Variants in CBLN2 observed in about 807,000 individuals in gnomAD.
CBLN2 encodes cerebellin 2 precursor, also known as cerebellin-2.
A neutral mutation model predicts 15.0 loss-of-function variants in CBLN2; 7 were observed. The observed-to-expected ratio is 0.47, with a 90% CI of 0.27 to 0.88. The LOEUF is 0.88. Among genes scored for constraint, CBLN2 ranks in the 40% least tolerant of loss-of-function variants. CBLN2 has a pLI of 0.14. For synonymous variants in CBLN2, 149 were observed against 135.2 expected (o/e 1.10, Z -0.71); for missense variants, 242 against 304.5 (o/e 0.79, Z 1.53).
chr18:72,560,017 T>C (rs1412368031), intron 1 of CBLN2, among the ~76,000 whole-genome samples: 3 of 152,232 alleles, frequency 2.0e-5, no homozygotes, highest in Non-Finnish European at 4.4e-5. Context: ...CTCTTCTCAC[T>C]GAACCCAGGA....
intron 1 of CBLN2, among the ~76,000 whole-genome samples, chr18:72,566,873 C>T (rs1047313404): frequency 3.9e-5 from 6 of 152,024 alleles, no homozygotes; most frequent in Admixed American, 6.6e-5. Context: ...CGCTCTGTCA[C>T]CCAGGCTGGA....
At chr18:72,633,856 C>A (rs2069793966) in intron 1 of CBLN2, among the ~76,000 whole-genome samples, 1 of 152,052 alleles carries the variant, frequency 6.6e-6, no homozygotes, top group South Asian at 2.1e-4. Context: ...ATTGTAAAAG[C>A]AATCAAATCA....
intron 1 of CBLN2, among the ~76,000 whole-genome samples, chr18:72,592,617 T>A (rs1292674362): frequency 6.6e-6 from 1 of 152,164 alleles, no homozygotes; most frequent in Non-Finnish European, 1.5e-5. Flanking sequence ...AGTAGTTTCA[T>A]AGTTTGAGGT....
chr18:72,584,377 T>C (rs1461353871), intron 1 of CBLN2, among the ~76,000 whole-genome samples: 1 of 151,816 alleles, frequency 6.6e-6, no homozygotes, highest in Admixed American at 6.6e-5. Context: ...AGTGGTGCAA[T>C]CTCAGCTCAC....
chr18:72,586,421 C>T (rs1056763304), intron 1 of CBLN2, among the ~76,000 whole-genome samples: 1 of 152,034 alleles, frequency 6.6e-6, no homozygotes, highest in African/African-American at 2.4e-5. Context: ...CTGTTATGTC[C>T]AAAACTTCTT....
At chr18:72,633,902 G>A (rs912236044) in intron 1 of CBLN2, among the ~76,000 whole-genome samples, 10 of 152,028 alleles carry the variant, frequency 6.6e-5, no homozygotes, top group Non-Finnish European at 1.2e-4. Flanking sequence ...CTTGATGAGA[G>A]TAAAATAAAT....
At chr18:72,548,269 C>A (rs1266689845), upstream of CBLN2, among the ~76,000 whole-genome samples, 4 of 152,118 alleles carry the variant, frequency 2.6e-5, no homozygotes, top group Non-Finnish European at 5.9e-5. Flanking sequence ...GACTGTTAAT[C>A]CAAGTCAGAA....
At position 72,560,562 on chromosome 18, in the gene CBLN2, A is replaced by G. The variant is rs536668764; in HGVS notation, c.16-21790T>C. Among the ~76,000 whole-genome samples the G allele has an allele frequency of 2.0e-5, 3 of 152,352 alleles. No individual in the cohort carries two copies. In the East Asian group the frequency reaches 5.8e-4, roughly 29 times the overall value. On this transcript the variant is annotated intron_variant, in intron 1 of 2. Coordinates refer to the CBLN2 transcript ENST00000581073. ...CATTCGCAAATTGCTCTCTGATTTC[A>G]ATACAGCAGCAGAGTTGAGTGGCTG... is the stretch of plus-strand genomic sequence containing the variant.
chr18:72,538,762 T>G lies in CBLN2; in HGVS notation c.368A>C (p.Asn123Thr). Residue 123 changes from asparagine (N) to threonine (T), a missense_variant, in exon 4 of 5, where the codon AAT becomes ACT. Physicochemically the swap from Asn to Thr is moderately conservative, Grantham distance 65. Around this residue, in one of 4 missense-constraint regions of CBLN2, gnomAD observed 89 missense variants for 114.2 expected, o/e 0.78. Coordinates refer to ENST00000269503, the MANE Select transcript of CBLN2 (RefSeq NM_182511.4). ...AGCAAGATCAAAGTGGTTGCCAATATTTACTAATACCTGAAAAAGAAGAGG... is the reference window on the plus strand; with the variant it reads ...AGCAAGATCAAAGTGGTTGCCAATAGTTACTAATACCTGAAAAAGAAGAGG... ...MTIYFDQVLV[N>T]IGNHFDLASS... 1 of 1,613,628 alleles carries G rather than the reference T, an allele frequency of 6.2e-7. No individual in the cohort carries two copies. The highest frequency in any genetic ancestry group is 8.5e-7 in the Non-Finnish European group (1 of 1,179,950).
At chr18:72,612,317 A>T (rs914048929) in intron 1 of CBLN2, among the ~76,000 whole-genome samples, 2 of 152,160 alleles carry the variant, frequency 1.3e-5, no homozygotes, top group Non-Finnish European at 2.9e-5. Context: ...GAATCTGTAG[A>T]TTCAAGTTGT....
chr18:72,550,378 G>A (rs1228652423), intron 1 of CBLN2, among the ~76,000 whole-genome samples: 2 of 152,144 alleles, frequency 1.3e-5, no homozygotes, highest in South Asian at 2.1e-4. Context: ...CATACAGGGA[G>A]GTAAGGAAAA....
At chr18:72,579,787 A>G (rs2069391380) in intron 1 of CBLN2, among the ~76,000 whole-genome samples, 1 of 152,114 alleles carries the variant, frequency 6.6e-6, no homozygotes, top group Non-Finnish European at 1.5e-5. Flanking sequence ...CTAGTCATAA[A>G]AAAATAAGTC....
intron 1 of CBLN2, among the ~76,000 whole-genome samples, chr18:72,622,882 T>G (rs1276828942): frequency 6.6e-6 from 1 of 152,192 alleles, no homozygotes; most frequent in Non-Finnish European, 1.5e-5. Flanking sequence ...AAATTAAACA[T>G]AACTTATGGA....
intron 1 of CBLN2, among the ~76,000 whole-genome samples, chr18:72,551,506 T>C (rs1224072670): frequency 1.3e-5 from 2 of 152,186 alleles, no homozygotes; most frequent in Non-Finnish European, 2.9e-5. Flanking sequence ...CAGAATTAGG[T>C]GGACTAAAAG....
chr18:72,539,079 G>C (rs1312975344), intron 3 of CBLN2: 7 of 279,110 alleles, frequency 2.5e-5, no homozygotes, highest in Non-Finnish European at 3.5e-5. Flanking sequence ...AGAGAGAAAG[G>C]AATCGAAGAT....
At chr18:72,555,529 A>G (rs2069221089) in intron 1 of CBLN2, among the ~76,000 whole-genome samples, 1 of 152,184 alleles carries the variant, frequency 6.6e-6, no homozygotes, top group African/African-American at 2.4e-5. Context: ...ATGGCAAAAC[A>G]GCAATTACTT....
intron 1 of CBLN2, among the ~76,000 whole-genome samples, chr18:72,587,664 T>G (rs1314165286): frequency 6.6e-6 from 1 of 152,180 alleles, no homozygotes; most frequent in Non-Finnish European, 1.5e-5. Flanking sequence ...TCATTACATT[T>G]GAATAATGTC....
At chr18:72,624,065 C>A (rs369221513) in intron 1 of CBLN2, among the ~76,000 whole-genome samples, 93 of 152,242 alleles carry the variant, frequency 6.1e-4, no homozygotes, top group African/African-American at 2.1e-3. Flanking sequence ...AAACTCTCTT[C>A]ATCTCATTCA....
At chr18:72,603,794 CTAAA>C (rs2069564974) in intron 1 of CBLN2, among the ~76,000 whole-genome samples, 1 of 152,104 alleles carries the variant, frequency 6.6e-6, no homozygotes, top group African/African-American at 2.4e-5. Context: ...TATAGATTGC[CTAAA>C]TAATTTCAAT....
Sources: gnomAD v4.1 joint callset for allele counts (sites outside exome capture counted in the v4.1 genomes callset) on GRCh38, gnomAD v4.1.1 for gene constraint, gnomAD v4.1.1 regional missense constraint, MANE v1.5 for transcripts, NCBI Gene and HGNC (gene_info 2026-07-23, HGNC 2026-07-21) for gene names.